The following CASR variants were observed in gnomAD, a reference collection of about 807,000 sequenced individuals.
CASR encodes extracellular calcium-sensing receptor.
In CASR, 23 loss-of-function variants were observed where a neutral mutation model predicts 69.1. The observed-to-expected ratio is 0.33, with a 90% CI of 0.24 to 0.47. CASR has a LOEUF of 0.47. Among genes scored for constraint, CASR ranks in the 20% least tolerant of loss-of-function variants. CASR has a pLI of 1.00. For synonymous variants in CASR, 541 were observed against 544.7 expected (o/e 0.99, Z 0.10); for missense variants, 924 against 1,356.1 (o/e 0.68, Z 5.00).
intron 1 of CASR, among the ~76,000 whole-genome samples, chr3:122,197,930 T>C (rs2073905905): frequency 2.0e-5 from 3 of 152,224 alleles, no homozygotes. Context: ...GTCCTGAGTC[T>C]AATCATTTAA....
intron 3 of CASR, 132 bp downstream of exon 3, chr3:122,257,519 A>G: frequency 1.6e-6 from 1 of 643,712 alleles, no homozygotes; most frequent in Non-Finnish European, 2.7e-6. Flanking sequence ...TTTAGTTGAT[A>G]TGCTGTATCA....
At chr3:122,218,439 C>T (rs2074139004) in intron 1 of CASR, among the ~76,000 whole-genome samples, 1 of 149,812 alleles carries the variant, frequency 6.7e-6, no homozygotes. Flanking sequence ...GAGGCTGAGG[C>T]AGGAGAATCG....
intron 1 of CASR, among the ~76,000 whole-genome samples, chr3:122,214,485 T>C (rs550390689): frequency 6.6e-6 from 1 of 152,286 alleles, no homozygotes; most frequent in East Asian, 1.9e-4. Context: ...ATTGTTGTTC[T>C]CTTAGTTCAG....
At chr3:122,210,120 C>T (rs1187759629) in intron 1 of CASR, among the ~76,000 whole-genome samples, 1 of 152,184 alleles carries the variant, frequency 6.6e-6, no homozygotes, top group Non-Finnish European at 1.5e-5. Flanking sequence ...GGCAAACCCA[C>T]AGCCAATATC....
intron 4 of CASR, among the ~76,000 whole-genome samples, chr3:122,274,063 G>A (rs1230536175): frequency 6.6e-6 from 1 of 152,202 alleles, no homozygotes; most frequent in African/African-American, 2.4e-5. Context: ...GAAGGCTCAG[G>A]AGAAGACGAG....
chr3:122,252,363 G>GA (rs1406383043), intron 1 of CASR, among the ~76,000 whole-genome samples: 4 of 21,996 alleles, frequency 1.8e-4, no homozygotes, highest in African/African-American at 5.1e-4. Context: ...AAGAAAGAAA[G>GA]AAGGAAGGAA....
At chr3:122,280,369 G>A (rs1003592288) in intron 5 of CASR, among the ~76,000 whole-genome samples, 2 of 152,182 alleles carry the variant, frequency 1.3e-5, no homozygotes, top group African/African-American at 4.8e-5. Context: ...AATCAGGCAA[G>A]AGAAAGAAAT....
At chr3:122,245,371 A>G (rs2074417637) in intron 1 of CASR, 1 of 152,212 alleles carries the variant, frequency 6.6e-6, no homozygotes, top group Non-Finnish European at 1.5e-5. Context: ...ATTTTATTAA[A>G]TTTCAGAAAC....
At chr3:122,275,206 G>A (rs972397898) in intron 4 of CASR, among the ~76,000 whole-genome samples, 2 of 152,090 alleles carry the variant, frequency 1.3e-5, no homozygotes, top group Non-Finnish European at 2.9e-5. Context: ...TGACTTTTTT[G>A]TGCAAAGGCT....
intron 1 of CASR, among the ~76,000 whole-genome samples, chr3:122,222,782 A>G (rs1425516246): frequency 6.6e-6 from 1 of 152,172 alleles, no homozygotes; most frequent in African/African-American, 2.4e-5. Context: ...TCATCTGCAC[A>G]TGGCACATAC....
chr3:122,192,525 T>A (rs978855082), intron 1 of CASR, among the ~76,000 whole-genome samples: 4 of 152,212 alleles, frequency 2.6e-5, no homozygotes, highest in Non-Finnish European at 5.9e-5. Context: ...CTTTCCACAG[T>A]TTTACCTTTC....
chr3:122,267,557 A>C (rs774618440), intron 4 of CASR, among the ~76,000 whole-genome samples: 23 of 152,216 alleles, frequency 1.5e-4, no homozygotes, highest in Non-Finnish European at 3.2e-4. Flanking sequence ...AAAAAAAAAT[A>C]GTACATAGTG....
At chr3:122,207,702 GA>G (rs2074021168) in intron 1 of CASR, among the ~76,000 whole-genome samples, 1 of 152,052 alleles carries the variant, frequency 6.6e-6, no homozygotes, top group African/African-American at 2.4e-5. Flanking sequence ...TAGCAATAAA[GA>G]TGCTTATATC....
chr3:122,256,807 G>A (rs1332890600), intron 2 of CASR, among the ~76,000 whole-genome samples: 3 of 152,110 alleles, frequency 2.0e-5, no homozygotes, highest in Admixed American at 6.5e-5. Flanking sequence ...TAATAGAGAC[G>A]GGGTTTCGCC....
rs568879312 is a variant in CASR at position 122,209,122 on chromosome 3, G to A, written c.-243+25310G>A. On this transcript the variant is annotated intron_variant, in intron 1 of 6. Coordinates refer to ENST00000639785, the MANE Select transcript of CASR (RefSeq NM_000388.4). ...TGTTGGGCTCCACCCCAGAGTTTAC[G>A]TGACTCAGTAGGTCTGAAAATTTGC... Among the ~76,000 whole-genome samples the A allele has an allele frequency of 1.3e-4, 20 of 152,250 alleles. 1 individual carries two copies. Among genetic ancestry groups the A allele is most frequent in the African/African-American group, 4.3e-4 (18 of 41,558 alleles).
At chr3:122,228,561 A>G (rs1039780184) in intron 1 of CASR, among the ~76,000 whole-genome samples, 3 of 152,222 alleles carry the variant, frequency 2.0e-5, no homozygotes, top group African/African-American at 7.2e-5. Context: ...TTTCAGCTAC[A>G]TAGACCCATC....
At chr3:122,249,778 G>T (rs1348170650) in intron 1 of CASR, among the ~76,000 whole-genome samples, 1 of 152,204 alleles carries the variant, frequency 6.6e-6, no homozygotes, top group African/African-American at 2.4e-5. Flanking sequence ...GAGAACAAAT[G>T]AGTTTATTTG....
At chr3:122,193,471 C>G (rs1396578404) in intron 1 of CASR, among the ~76,000 whole-genome samples, 1 of 152,148 alleles carries the variant, frequency 6.6e-6, no homozygotes. Flanking sequence ...TCTGTCTTAG[C>G]CTCCCAAAGT....
At chr3:122,282,614 C>T (rs1459047169) in intron 6 of CASR, among the ~76,000 whole-genome samples, 4 of 152,134 alleles carry the variant, frequency 2.6e-5, no homozygotes, top group Non-Finnish European at 4.4e-5. Flanking sequence ...TGCTATCTTA[C>T]TTGTGTTTTT....
Sources: allele counts gnomAD v4.1 joint callset (sites outside exome capture counted in the v4.1 genomes callset), GRCh38; gene constraint gnomAD v4.1.1; transcripts MANE v1.5; gene names NCBI Gene and HGNC (gene_info 2026-07-23, HGNC 2026-07-21).